Variants in WDR72 observed in about 807,000 individuals in gnomAD.
WDR72 encodes WD repeat-containing protein 72.
WDR72 carries 120 observed loss-of-function variants against 124.2 expected under a neutral mutation model. The observed-to-expected ratio is 0.97, with a 90% CI of 0.83 to 1.12. The LOEUF (loss-of-function observed/expected upper bound fraction) is 1.12, where lower values mean the gene tolerates loss of function less well. WDR72 is among the 50% of genes most tolerant of loss of function. The pLI, the probability that WDR72 is intolerant of heterozygous loss-of-function variation, is 0.00. For missense variants in WDR72, 1,387 were observed against 1,278.8 expected, an observed-to-expected ratio of 1.08 and a Z score of -1.29; for synonymous variants, 452 against 441.7, an observed-to-expected ratio of 1.02 and a Z score of -0.29.
At chr15:53,555,000 T>C (rs868633359) in intron 18 of WDR72, among the ~76,000 whole-genome samples, 52 of 152,200 alleles carry the variant, frequency 3.4e-4, no homozygotes, top group African/African-American at 1.2e-3. Context: ...TACAATTGGC[T>C]GTCAGGAGCT....
At chr15:53,665,794 A>T in intron 13 of WDR72, 26 bp from the exon 14 acceptor site, 2 of 1,608,428 alleles carry the variant, frequency 1.2e-6, no homozygotes, top group Non-Finnish European at 1.7e-6. Context: ...AGAGGTAAAA[A>T]TGTCAGGAAA....
intron 14 of WDR72, among the ~76,000 whole-genome samples, chr15:53,639,332 C>G (rs2014744481): frequency 6.6e-6 from 1 of 151,978 alleles, no homozygotes; most frequent in African/African-American, 2.4e-5. Flanking sequence ...TAATTCATCT[C>G]ACTTAAATTC....
At chr15:53,644,661 T>C (rs2014977619) in intron 14 of WDR72, among the ~76,000 whole-genome samples, 2 of 151,948 alleles carry the variant, frequency 1.3e-5, no homozygotes, top group Non-Finnish European at 2.9e-5. Flanking sequence ...AAGGTGTAAA[T>C]GAAAGTGCCA....
At chr15:53,668,128 A>C (rs1490615502) in intron 13 of WDR72, among the ~76,000 whole-genome samples, 1 of 152,222 alleles carries the variant, frequency 6.6e-6, no homozygotes, top group Non-Finnish European at 1.5e-5. Flanking sequence ...ATTTAAAGTA[A>C]CACCTAAGCT....
intron 18 of WDR72, among the ~76,000 whole-genome samples, chr15:53,585,774 G>C (rs538453436): frequency 1.3e-5 from 2 of 152,142 alleles, no homozygotes; most frequent in South Asian, 4.1e-4. Flanking sequence ...ATCGTCCCAA[G>C]AAGAGTGTGA....
At chr15:53,757,403 A>T (rs2018938153) in intron 1 of WDR72, among the ~76,000 whole-genome samples, 1 of 152,144 alleles carries the variant, frequency 6.6e-6, no homozygotes, top group African/African-American at 2.4e-5. Flanking sequence ...CAGGTGGATC[A>T]CTAGAGGTCA....
Position 53,699,959 on chromosome 15 carries a change from A to G in WDR72, c.1570-14T>C, listed in dbSNP as rs1352994222. 1.2e-6 allele frequency: 2 copies of G among 1,614,190 alleles called. No individual in the cohort carries two copies. The highest frequency in any genetic ancestry group is 1.7e-5 in the Admixed American group (1 of 60,020). On this transcript the variant is annotated splice_polypyrimidine_tract_variant and intron_variant, in intron 12 of 19. Transcript: ENST00000360509. Reference sequence around the variant, plus strand: ...CTCACCCCTTAGCTGTGAAAAAACAACATGCTTATGTAAGTAAATAGTCAA... The same window carrying G: ...CTCACCCCTTAGCTGTGAAAAAACAGCATGCTTATGTAAGTAAATAGTCAA...
chr15:53,524,267 T>A (rs1415891289), intron 18 of WDR72, among the ~76,000 whole-genome samples: 1 of 152,126 alleles, frequency 6.6e-6, no homozygotes, highest in Non-Finnish European at 1.5e-5. Flanking sequence ...TTATTACAAG[T>A]TGCTGCAATA....
chr15:53,710,765 T>G, intron 9 of WDR72, 92 bp downstream of exon 9: 1 of 1,090,106 alleles, frequency 9.2e-7, no homozygotes, highest in Non-Finnish European at 1.4e-6. Context: ...CAATTCAATT[T>G]TTTCAAGCCT....
At chr15:53,607,741 T>C (rs1021155627) in intron 17 of WDR72, among the ~76,000 whole-genome samples, 6 of 151,820 alleles carry the variant, frequency 4.0e-5, no homozygotes, top group African/African-American at 1.2e-4. Context: ...TGAGAGAAAA[T>C]ATTTGCAAAC....
Position 53,596,589 on chromosome 15 carries a change from T to C in WDR72, c.3148+490A>G, listed in dbSNP as rs560257945. Among the ~76,000 whole-genome samples, 3 of 152,296 alleles carry C rather than the reference T, an allele frequency of 2.0e-5. No individual in the cohort carries two copies. In the South Asian group the frequency reaches 6.2e-4, roughly 32 times the overall value. ...CATTATGATTAGGGTATTCCTGTAA[T>C]ATATATCCTATTAAGCTATTGCTGT... is the stretch of plus-strand genomic sequence containing the variant. On this transcript the variant is annotated intron_variant, in intron 18 of 19. Coordinates refer to ENST00000360509, the MANE Select transcript of WDR72 (RefSeq NM_182758.4).
intron 14 of WDR72, among the ~76,000 whole-genome samples, chr15:53,623,765 T>C (rs972590472): frequency 9.9e-5 from 15 of 152,054 alleles, no homozygotes; most frequent in African/African-American, 3.6e-4. Flanking sequence ...TCCCACCAAG[T>C]ATAAGTATAC....
chr15:53,609,462 C>T (rs774536432), intron 17 of WDR72, 51 bp downstream of exon 17: 1 of 1,513,136 alleles, frequency 6.6e-7, no homozygotes, highest in East Asian at 2.3e-5. Flanking sequence ...CCATGAACCA[C>T]AGCAGCAAGG....
At chr15:53,724,682 G>A (rs760572532) in intron 2 of WDR72, among the ~76,000 whole-genome samples, 1 of 152,172 alleles carries the variant, frequency 6.6e-6, no homozygotes, top group Non-Finnish European at 1.5e-5. Flanking sequence ...CCCACAACAT[G>A]TGGGGATTAC....
intron 18 of WDR72, among the ~76,000 whole-genome samples, chr15:53,588,618 G>C (rs920267967): frequency 3.9e-5 from 6 of 151,942 alleles, no homozygotes; most frequent in Non-Finnish European, 8.8e-5. Flanking sequence ...GGGACAAATG[G>C]ATAATTTTTC....
intron 13 of WDR72, chr15:53,684,460 GA>G: frequency 1.9e-5 from 3 of 156,068 alleles, no homozygotes; most frequent in Non-Finnish European, 4.2e-5. Context: ...ACGGCACCTG[GA>G]AAAACGGCTC....
intron 13 of WDR72, among the ~76,000 whole-genome samples, chr15:53,667,208 C>T (rs560643440): frequency 2.0e-5 from 3 of 151,972 alleles, no homozygotes; most frequent in East Asian, 3.9e-4. Context: ...CAAAAATTAG[C>T]CAGGCATGGT....
At chr15:53,542,879 G>T (rs1893224105) in intron 18 of WDR72, among the ~76,000 whole-genome samples, 1 of 135,298 alleles carries the variant, frequency 7.4e-6, no homozygotes, top group Admixed American at 7.5e-5. Context: ...AACCAACAAA[G>T]ATCAAAAGAG....
chr15:53,701,559 T>TCTCTCTCTCTCTCACACACA (rs369568228), intron 12 of WDR72, among the ~76,000 whole-genome samples: 145 of 120,156 alleles, frequency 1.2e-3, no homozygotes, highest in East Asian at 4.3e-3. Context: ...TCTCTCTCTC[T>TCTCTCTCTCTCTCACACACA]CACACACACA....
Sources: gnomAD v4.1 joint callset for allele counts (sites outside exome capture counted in the v4.1 genomes callset) on GRCh38, gnomAD v4.1.1 for gene constraint, MANE v1.5 for transcripts, NCBI Gene and HGNC (gene_info 2026-07-23, HGNC 2026-07-21) for gene names.